Variants in SDHAF3 observed in about 807,000 individuals in gnomAD.
SDHAF3 encodes the protein succinate dehydrogenase complex assembly factor 3.
Under a neutral mutation model 11.5 loss-of-function variants are expected in SDHAF3, and 18 were observed. That is an observed-to-expected ratio of 1.56 (90% CI 1.08 to 2.32). The LOEUF is 2.32. Ranked by LOEUF, SDHAF3 falls within the 30% of genes most tolerant of loss-of-function variation. SDHAF3 has a pLI of 0.00. For missense variants in SDHAF3, 200 were observed against 154.4 expected (o/e 1.30, Z -1.57); for synonymous variants, 72 against 59.3 (o/e 1.21, Z -0.99).
chr7:97,144,183 TTTG>T (rs1432749118), intron 1 of SDHAF3, among the ~76,000 whole-genome samples: 1 of 150,216 alleles, frequency 6.7e-6, no homozygotes, highest in African/African-American at 2.5e-5. Flanking sequence ...GATGGGATTG[TTTG>T]TTTTTTTCTT....
intron 1 of SDHAF3, among the ~76,000 whole-genome samples, chr7:97,149,086 C>T (rs922138864): frequency 1.3e-5 from 2 of 152,058 alleles, no homozygotes; most frequent in African/African-American, 4.8e-5. Flanking sequence ...TGCACCATCA[C>T]ACCTGGCTAT....
In SDHAF3 at chr7:97,121,447, GTTGT is replaced by G. The variant is rs953541082; in HGVS notation, c.174+3553_174+3556del. Among the ~76,000 whole-genome samples, 106 of 152,238 alleles carry G rather than the reference GTTGT, an allele frequency of 7.0e-4. 1 individual carries two copies. Among genetic ancestry groups the G allele is most frequent in the African/African-American group, 2.5e-3 (103 of 41,546 alleles). On this transcript the variant is annotated intron_variant, in intron 1 of 1. Transcript: ENST00000432641. ...CTGAGTTGTCTCTTGCCTAGTTCCT[GTTGT>G]TTTTCTTAAGTACCTGTTCTGTGTC...
chr7:97,177,634 T>A (rs2115753506), intron 1 of SDHAF3, among the ~76,000 whole-genome samples: 1 of 152,394 alleles, frequency 6.6e-6, no homozygotes, highest in South Asian at 2.1e-4. Flanking sequence ...ACTCATTTTT[T>A]AAATAGTTTT....
intron 1 of SDHAF3, among the ~76,000 whole-genome samples, chr7:97,170,067 T>TAA (rs1212398718): frequency 4.0e-5 from 6 of 149,172 alleles, no homozygotes; most frequent in Non-Finnish European, 5.9e-5. Flanking sequence ...CATTGAGGTA[T>TAA]AAGTGAGTAA....
chr7:97,151,591 C>T lies in SDHAF3; in HGVS notation c.175-29421C>T, dbSNP rs560665743. Among the ~76,000 whole-genome samples the T allele has an allele frequency of 2.5e-4, 38 of 151,848 alleles. No homozygotes were observed. The South Asian group carries it at 4.2e-3, about 17-fold the overall frequency. ...TCCGCTCACTGCAAGCTCTGCCCCC[C>T]GGGTTCCTGCCATTCTCCTGCCTCA... On this transcript the variant is annotated intron_variant, in intron 1 of 1. Coordinates refer to ENST00000432641, the MANE Select transcript of SDHAF3 (RefSeq NM_020186.3).
intron 1 of SDHAF3, among the ~76,000 whole-genome samples, chr7:97,128,899 CTTGCTCTG>C (rs1374737333): frequency 6.6e-6 from 1 of 151,938 alleles, no homozygotes; most frequent in Non-Finnish European, 1.5e-5. Flanking sequence ...GAGATAGGAT[CTTGCTCTG>C]TTGCCCAGTC....
intron 1 of SDHAF3, among the ~76,000 whole-genome samples, chr7:97,147,770 G>A (rs1489879454): frequency 2.0e-5 from 3 of 152,074 alleles, no homozygotes; most frequent in Non-Finnish European, 4.4e-5. Context: ...AATTGTGTAC[G>A]CACCACCAAT....
chr7:97,178,699 T>C (rs1406223233), intron 1 of SDHAF3, among the ~76,000 whole-genome samples: 5 of 152,308 alleles, frequency 3.3e-5, no homozygotes, highest in African/African-American at 1.2e-4. Context: ...CATTTTTAAA[T>C]TGGGCTATTT....
In SDHAF3 at chr7:97,151,585, G is replaced by GC. The variant is rs1376633494; in HGVS notation, c.175-29421dup. Among the ~76,000 whole-genome samples, 14 of 149,760 alleles carry GC rather than the reference G, an allele frequency of 9.3e-5. No homozygotes were observed. The South Asian group carries it at 1.7e-3, about 18-fold the overall frequency. ...ACAATCTCCGCTCACTGCAAGCTCTGCCCCCCGGGTTCCTGCCATTCTCCT... is the reference window on the plus strand; with the variant it reads ...ACAATCTCCGCTCACTGCAAGCTCTGCCCCCCCGGGTTCCTGCCATTCTCCT... On this transcript the variant is annotated intron_variant, in intron 1 of 1. Coordinates refer to ENST00000432641, the MANE Select transcript of SDHAF3 (RefSeq NM_020186.3).
At chr7:97,129,315 T>C (rs1250797281) in intron 1 of SDHAF3, among the ~76,000 whole-genome samples, 1 of 152,186 alleles carries the variant, frequency 6.6e-6, no homozygotes, top group African/African-American at 2.4e-5. Context: ...GTTTTGGCAG[T>C]TTGGCTGTCT....
At chr7:97,130,128 C>T (rs946863433) in intron 1 of SDHAF3, among the ~76,000 whole-genome samples, 2 of 151,932 alleles carry the variant, frequency 1.3e-5, no homozygotes, top group South Asian at 2.1e-4. Context: ...AAAAACTATC[C>T]GGATGTGGTG....
chr7:97,125,892 A>G (rs975118073), intron 1 of SDHAF3, among the ~76,000 whole-genome samples: 6 of 152,204 alleles, frequency 3.9e-5, no homozygotes, highest in African/African-American at 9.7e-5. Flanking sequence ...AGGAGTTGCA[A>G]TCATTTGGAG....
chr7:97,147,926 G>GT (rs923090037), intron 1 of SDHAF3, among the ~76,000 whole-genome samples: 1 of 151,946 alleles, frequency 6.6e-6, no homozygotes, highest in African/African-American at 2.4e-5. Flanking sequence ...TTATTTTTAT[G>GT]TTTTTTGAGA....
chr7:97,165,516 TGAA>T (rs778757006), intron 1 of SDHAF3, among the ~76,000 whole-genome samples: 1 of 152,154 alleles, frequency 6.6e-6, no homozygotes, highest in East Asian at 1.9e-4. Flanking sequence ...TTTTTGTGAT[TGAA>T]GAATTTAAAT....
chr7:97,136,953 T>C (rs1265402031), intron 1 of SDHAF3, among the ~76,000 whole-genome samples: 1 of 152,164 alleles, frequency 6.6e-6, no homozygotes, highest in Non-Finnish European at 1.5e-5. Context: ...TAAAATAAAA[T>C]AAAATGTGAT....
chr7:97,131,072 A>G (rs1003255503), intron 1 of SDHAF3, among the ~76,000 whole-genome samples: 6 of 152,328 alleles, frequency 3.9e-5, no homozygotes, highest in East Asian at 3.9e-4. Context: ...TGCTGCTATC[A>G]GTATCATATA....
At chr7:97,179,871 A>ATGTT (rs1260717823) in intron 1 of SDHAF3, among the ~76,000 whole-genome samples, 1 of 152,238 alleles carries the variant, frequency 6.6e-6, no homozygotes, top group Non-Finnish European at 1.5e-5. Flanking sequence ...TAGGTTTGGA[A>ATGTT]TGTTTGGAAT....
In SDHAF3 at chr7:97,166,131, T is replaced by C. The variant is rs574529659; in HGVS notation, c.175-14881T>C. ...TGCTGATGCATGGATGGGTATAGAA[T>C]ATTTGGGAATGTAAACCAGAAACTA... On this transcript the variant is annotated intron_variant, in intron 1 of 1. Coordinates refer to ENST00000432641, the MANE Select transcript of SDHAF3 (RefSeq NM_020186.3). Among the ~76,000 whole-genome samples the C allele has an allele frequency of 5.9e-4, 90 of 152,260 alleles. 1 individual carries two copies. Among genetic ancestry groups the C allele is most frequent in the African/African-American group, 2.1e-3 (87 of 41,532 alleles).
chr7:97,146,306 C>G (rs746119196), intron 1 of SDHAF3, among the ~76,000 whole-genome samples: 3 of 152,084 alleles, frequency 2.0e-5, no homozygotes, highest in South Asian at 2.1e-4. Flanking sequence ...AAAAGAAGCA[C>G]TAAAATCACA....
Sources: gnomAD v4.1 joint callset for allele counts (sites outside exome capture counted in the v4.1 genomes callset) on GRCh38, gnomAD v4.1.1 for gene constraint, MANE v1.5 for transcripts, NCBI Gene and HGNC (gene_info 2026-07-23, HGNC 2026-07-21) for gene names.